NT5E: variants seen among roughly 807,000 people sequenced by gnomAD.
The protein encoded by NT5E is 5'-nucleotidase ecto, also known as 5'-nucleotidase.
In NT5E, 53 loss-of-function variants were observed where a neutral mutation model predicts 55.1. The ratio of observed to expected loss-of-function variants is 0.96; its 90% CI spans 0.77 to 1.21. The LOEUF is 1.21. Ranked by LOEUF, NT5E falls within the 50% of genes most tolerant of loss-of-function variation. The pLI, the probability that NT5E is intolerant of heterozygous loss-of-function variation, is 0.00. For synonymous variants in NT5E, 270 were observed against 278.4 expected, an observed-to-expected ratio of 0.97 and a Z score of 0.30; for missense variants, 683 against 724.3, an observed-to-expected ratio of 0.94 and a Z score of 0.65.
chr6:85,458,533 A>C (rs1769031675), intron 1 of NT5E, among the ~76,000 whole-genome samples: 1 of 152,238 alleles, frequency 6.6e-6, no homozygotes, highest in Non-Finnish European at 1.5e-5. Context: ...CAAACAAATC[A>C]ACATCATATT....
chr6:85,473,592 CAT>C (rs969609624), intron 3 of NT5E, among the ~76,000 whole-genome samples: 6 of 152,254 alleles, frequency 3.9e-5, no homozygotes, highest in African/African-American at 1.4e-4. Context: ...AACACACAAA[CAT>C]ATATGTGTGT....
intron 1 of NT5E, among the ~76,000 whole-genome samples, chr6:85,463,891 G>A (rs1769139922): frequency 6.6e-6 from 1 of 152,084 alleles, no homozygotes; most frequent in Non-Finnish European, 1.5e-5. Context: ...ATTTACAAAG[G>A]AATTTGTCTG....
Position 85,461,792 on chromosome 6 carries a change from G to A in NT5E, c.340-5268G>A, listed in dbSNP as rs532618387. On this transcript the variant is annotated intron_variant, in intron 1 of 8. Transcript: ENST00000257770. The stretch of plus-strand genomic sequence containing the variant: ...ATGGGAGGGGACAGGAGGGGTAGAG[G>A]CCTGGCACCCCTCTCTCTTCTGTTT... Among the ~76,000 whole-genome samples, 3 of 152,166 alleles carry A rather than the reference G, an allele frequency of 2.0e-5. No homozygotes were observed. In the East Asian group the frequency reaches 5.8e-4, roughly 29 times the overall value.
intron 1 of NT5E, among the ~76,000 whole-genome samples, chr6:85,457,531 AT>A (rs1769012318): frequency 6.6e-6 from 1 of 151,776 alleles, no homozygotes; most frequent in African/African-American, 2.4e-5. Context: ...TTATTTATTT[AT>A]TTTTTGGCAG....
intron 4 of NT5E, among the ~76,000 whole-genome samples, chr6:85,486,501 C>A (rs1014863124): frequency 6.6e-6 from 1 of 151,978 alleles, no homozygotes; most frequent in Non-Finnish European, 1.5e-5. Flanking sequence ...CCCCCCCATG[C>A]GTCCGTTTAT....
intron 8 of NT5E, among the ~76,000 whole-genome samples, chr6:85,493,624 C>T (rs1769832706): frequency 6.6e-6 from 1 of 152,146 alleles, no homozygotes. Flanking sequence ...ACTCTACTTC[C>T]CCCAATTACC....
intron 4 of NT5E, among the ~76,000 whole-genome samples, chr6:85,486,226 T>C (rs1301150116): frequency 1.3e-5 from 2 of 152,168 alleles, no homozygotes; most frequent in African/African-American, 2.4e-5. Flanking sequence ...GAATTTACAA[T>C]ATAGTGTGTG....
chr6:85,493,061 C>A (rs1769820149), intron 8 of NT5E, among the ~76,000 whole-genome samples: 1 of 152,186 alleles, frequency 6.6e-6, no homozygotes, highest in Non-Finnish European at 1.5e-5. Context: ...GTCCACCACT[C>A]AAGCCTAGAC....
intron 1 of NT5E, among the ~76,000 whole-genome samples, chr6:85,464,317 A>G (rs568701210): frequency 6.6e-6 from 1 of 152,280 alleles, no homozygotes; most frequent in East Asian, 1.9e-4. Context: ...TGTACTCTTT[A>G]CTAACTCACT....
At chr6:85,475,656 C>T (rs1335040630) in intron 3 of NT5E, among the ~76,000 whole-genome samples, 1 of 152,194 alleles carries the variant, frequency 6.6e-6, no homozygotes, top group African/African-American at 2.4e-5. Flanking sequence ...GCAGGTACAA[C>T]AGGGGACTCT....
At chr6:85,454,863 A>C (rs976003588) in intron 1 of NT5E, among the ~76,000 whole-genome samples, 1 of 152,154 alleles carries the variant, frequency 6.6e-6, no homozygotes, top group African/African-American at 2.4e-5. Context: ...TCATCTATAA[A>C]ATAGAAGTTT....
At chr6:85,477,368 T>C in intron 3 of NT5E, among the ~76,000 whole-genome samples, 1 of 152,196 alleles carries the variant, frequency 6.6e-6, no homozygotes. Context: ...CTAATTTCCA[T>C]TGCTTCTGGA....
At chr6:85,476,874 C>T (rs988113462) in intron 3 of NT5E, among the ~76,000 whole-genome samples, 1 of 152,070 alleles carries the variant, frequency 6.6e-6, no homozygotes, top group Non-Finnish European at 1.5e-5. Flanking sequence ...GCCAGTGGAT[C>T]CTGGGGTTTT....
intron 1 of NT5E, among the ~76,000 whole-genome samples, chr6:85,451,221 GGAAAGAAA>G (rs60109423): frequency 2.6e-5 from 4 of 151,546 alleles, no homozygotes; most frequent in Non-Finnish European, 5.9e-5. Flanking sequence ...GTTAAGAAAA[GGAAAGAAA>G]GAAAGAAAGA....
At chr6:85,490,356 C>T in intron 6 of NT5E, 152 bp from the exon 7 acceptor site, 1 of 881,740 alleles carries the variant, frequency 1.1e-6, no homozygotes, top group Non-Finnish European at 1.8e-6. Flanking sequence ...TTCCCTTCCT[C>T]AGTGTCAGGA....
At position 85,450,264 on chromosome 6, in the gene NT5E, A is replaced by T; in HGVS notation, c.125A>T (p.Glu42Val). The T allele has an allele frequency of 1.2e-6, 2 of 1,609,068 alleles. No homozygotes were observed. The highest frequency in any genetic ancestry group is 1.7e-6 in the Non-Finnish European group (2 of 1,178,704). ...ACCAACGACGTGCACAGCCGGCTGG[A>T]GCAGACCAGCGAGGACTCCAGCAAG... ...LHTNDVHSRL[E>V]QTSEDSSKCV... The change falls in exon 1 of 9, where the codon GAG (glutamate) becomes GTG (valine). Residue 42 changes from glutamate (E) to valine (V), a missense_variant. By Grantham distance (121) the Glu-to-Val change is moderately radical. Coordinates refer to ENST00000257770, the MANE Select transcript of NT5E (RefSeq NM_002526.4). This position sits in a 1 kb window ranked among gnomAD's most constrained non-coding sequence, Gnocchi z 4.0.
chr6:85,472,731 C>G (rs1454388926), intron 3 of NT5E, among the ~76,000 whole-genome samples: 2 of 152,178 alleles, frequency 1.3e-5, no homozygotes, highest in Non-Finnish European at 2.9e-5. Flanking sequence ...CAGTCAAAAT[C>G]ATAACTCACA....
chr6:85,452,831 C>T (rs527942598), intron 1 of NT5E, among the ~76,000 whole-genome samples: 20 of 152,248 alleles, frequency 1.3e-4, no homozygotes, highest in Non-Finnish European at 2.1e-4. Context: ...AACCACTCAC[C>T]GCATATTGAT....
intron 2 of NT5E, among the ~76,000 whole-genome samples, chr6:85,467,906 T>C (rs924106836): frequency 4.0e-5 from 6 of 151,730 alleles, no homozygotes; most frequent in African/African-American, 1.5e-4. Flanking sequence ...ATATGACACA[T>C]ATACATACAT....
Sources: allele counts gnomAD v4.1 joint callset (sites outside exome capture counted in the v4.1 genomes callset), GRCh38; gene constraint gnomAD v4.1.1; non-coding constraint Gnocchi (gnomAD v3.1); transcripts MANE v1.5; gene names NCBI Gene and HGNC (gene_info 2026-07-23, HGNC 2026-07-21).